Variants in ZBTB44 observed in about 807,000 individuals in gnomAD.
The protein encoded by ZBTB44 is zinc finger and BTB domain-containing protein 44.
Under a neutral mutation model 54.0 loss-of-function variants are expected in ZBTB44, and 15 were observed. The observed-to-expected ratio is 0.28, with a 90% CI of 0.19 to 0.43. The LOEUF (loss-of-function observed/expected upper bound fraction) is 0.43, where lower values mean the gene tolerates loss of function less well. Ranked by LOEUF, ZBTB44 falls within the 20% of genes least tolerant of loss-of-function variation. The pLI is 1.00. For synonymous variants in ZBTB44, 230 were observed against 250.1 expected, an observed-to-expected ratio of 0.92 and a Z score of 0.76; for missense variants, 487 against 707.1, an observed-to-expected ratio of 0.69 and a Z score of 3.53.
intron 5 of ZBTB44, among the ~76,000 whole-genome samples, chr11:130,234,939 C>T (rs2136266395): frequency 6.6e-6 from 1 of 152,254 alleles, no homozygotes; most frequent in African/African-American, 2.4e-5. Context: ...AAAACAGTGG[C>T]TACTTTCCTT....
intron 1 of ZBTB44, among the ~76,000 whole-genome samples, chr11:130,267,142 T>G (rs1210852425): frequency 6.6e-6 from 1 of 151,936 alleles, no homozygotes; most frequent in Non-Finnish European, 1.5e-5. Flanking sequence ...CACATGCCTG[T>G]AGTCCCAGCT....
intron 1 of ZBTB44, among the ~76,000 whole-genome samples, chr11:130,293,254 G>A (rs1232467385): frequency 2.6e-5 from 4 of 151,140 alleles, no homozygotes; most frequent in Non-Finnish European, 4.4e-5. Flanking sequence ...TTGAGCCTAG[G>A]AGTTCAAGAC....
At chr11:130,282,271 G>C (rs1426871337) in intron 1 of ZBTB44, among the ~76,000 whole-genome samples, 1 of 152,128 alleles carries the variant, frequency 6.6e-6, no homozygotes, top group African/African-American at 2.4e-5. Flanking sequence ...ATCCCACAGT[G>C]AAACACAGTA....
intron 1 of ZBTB44, among the ~76,000 whole-genome samples, chr11:130,272,066 C>A (rs777156856): frequency 8.6e-5 from 13 of 151,944 alleles, no homozygotes; most frequent in Non-Finnish European, 1.9e-4. Context: ...CCGAACTCTA[C>A]TAAAAATACA....
chr11:130,257,040 C>G (rs1478078885), intron 2 of ZBTB44, among the ~76,000 whole-genome samples: 1 of 151,720 alleles, frequency 6.6e-6, no homozygotes, highest in Non-Finnish European at 1.5e-5. Context: ...GTCTCTGCCC[C>G]AAAACTCAAG....
In ZBTB44 at chr11:130,261,199, G is replaced by A. The variant is rs1938839482; in HGVS notation, c.675C>T (p.Ser225=). 1 of 1,614,022 alleles carries A rather than the reference G, an allele frequency of 6.2e-7. No individual in the cohort carries two copies. Among genetic ancestry groups the A allele is most frequent in the African/African-American group, 1.3e-5 (1 of 75,058 alleles). Residue 225 remains serine (S), a synonymous_variant, in exon 2 of 8, where the codon TCC becomes TCT. Coordinates refer to ENST00000357899, the MANE Select transcript of ZBTB44 (RefSeq NM_001301098.2). The surrounding 1 kb of genome is among the most constrained non-coding windows in gnomAD (Gnocchi z 4.8). ...AAGGAAAAGTCCAAGGAAAAGCTAAGGAAGAGTCAACTGGTTGGTTTCTAT... is the reference window on the plus strand; with the variant it reads ...AAGGAAAAGTCCAAGGAAAAGCTAAAGAAGAGTCAACTGGTTGGTTTCTAT... The part of the protein sequence containing the change: ...SENRNQPVDS[S]LAFPWTFPFG...
intron 2 of ZBTB44, among the ~76,000 whole-genome samples, chr11:130,255,918 A>ATC (rs1250790117): frequency 9.2e-6 from 1 of 108,556 alleles, no homozygotes; most frequent in African/African-American, 3.8e-5. Flanking sequence ...AAAAAAAAAA[A>ATC]AAACACCCCT....
chr11:130,275,441 A>G (rs1465772165), intron 1 of ZBTB44, among the ~76,000 whole-genome samples: 2 of 152,086 alleles, frequency 1.3e-5, no homozygotes, highest in Non-Finnish European at 2.9e-5. Flanking sequence ...GGCCTCCCAA[A>G]GTGCTGAGAT....
At chr11:130,297,732 C>T (rs908725862) in intron 1 of ZBTB44, among the ~76,000 whole-genome samples, 6 of 152,188 alleles carry the variant, frequency 3.9e-5, no homozygotes, top group African/African-American at 1.4e-4. Context: ...ACCAACCCTA[C>T]CTATGCCTGA....
Position 130,261,442 on chromosome 11 carries a change from T to C in ZBTB44, c.432A>G (p.Gly144=). The change falls in exon 2 of 8, where the codon GGA becomes GGG. Residue 144 remains glycine, a synonymous_variant. Coordinates refer to ENST00000357899, the MANE Select transcript of ZBTB44 (RefSeq NM_001301098.2). The surrounding 1 kb of genome is among the most constrained non-coding windows in gnomAD (Gnocchi z 4.8). The part of the protein sequence containing the change: ...NSQPEKGLDA[G]QENNSNCNFT... The stretch of plus-strand genomic sequence containing the variant: ...AATTGCAGTTAGAATTATTTTCTTG[T>C]CCAGCATCTAGACCCTTTTCAGGTT... The C allele has an allele frequency of 6.2e-7, 1 of 1,614,054 alleles. No homozygotes were observed. Among genetic ancestry groups the C allele is most frequent in the Non-Finnish European group, 8.5e-7 (1 of 1,179,902 alleles).
At chr11:130,270,072 G>A (rs574117908) in intron 1 of ZBTB44, among the ~76,000 whole-genome samples, 332 of 152,266 alleles carry the variant, frequency 2.2e-3, no homozygotes, top group African/African-American at 7.3e-3. Flanking sequence ...ATAAAGTGAC[G>A]TGGCTGCTTA....
chr11:130,299,743 G>C (rs1212158884), intron 1 of ZBTB44, among the ~76,000 whole-genome samples: 1 of 151,790 alleles, frequency 6.6e-6, no homozygotes, highest in African/African-American at 2.4e-5. Flanking sequence ...ATAGAAAACA[G>C]TATAGAGGGG....
chr11:130,267,947 C>A (rs1939378805), intron 1 of ZBTB44, among the ~76,000 whole-genome samples: 2 of 151,802 alleles, frequency 1.3e-5, no homozygotes, highest in African/African-American at 2.4e-5. Flanking sequence ...GTGGCAGGCA[C>A]CTGTAATCCC....
chr11:130,292,689 A>G (rs1941377079), intron 1 of ZBTB44, among the ~76,000 whole-genome samples: 1 of 152,234 alleles, frequency 6.6e-6, no homozygotes, highest in Non-Finnish European at 1.5e-5. Context: ...GTATTTTAAG[A>G]GTGTAACATA....
At chr11:130,276,431 C>CTTTTTTTTTTTTTTTTTTTTTTTTTTT (rs1004293725) in intron 1 of ZBTB44, among the ~76,000 whole-genome samples, 1 of 142,778 alleles carries the variant, frequency 7.0e-6, no homozygotes, top group African/African-American at 2.7e-5. Flanking sequence ...CTATACGTTT[C>CTTTTTTTTTTTTTTTTTTTTTTTTTTT]TTTTTTTTTT....
intron 1 of ZBTB44, among the ~76,000 whole-genome samples, chr11:130,305,977 T>C (rs187719304): frequency 5.9e-5 from 9 of 152,054 alleles, no homozygotes; most frequent in Admixed American, 5.9e-4. Context: ...TCAAATGATA[T>C]AAAAACAGCC....
chr11:130,268,362 T>C (rs1189533882), intron 1 of ZBTB44, among the ~76,000 whole-genome samples: 2 of 152,128 alleles, frequency 1.3e-5, no homozygotes, highest in East Asian at 1.9e-4. Context: ...GTAGCACCCA[T>C]CAATATCAAG....
intron 1 of ZBTB44, among the ~76,000 whole-genome samples, chr11:130,293,436 T>C (rs1025948020): frequency 6.8e-6 from 1 of 147,062 alleles, no homozygotes; most frequent in Admixed American, 6.9e-5. Flanking sequence ...ATTTCACCAC[T>C]GCACTCCAGC....
intron 1 of ZBTB44, among the ~76,000 whole-genome samples, chr11:130,267,409 A>T (rs551085171): frequency 2.1e-4 from 32 of 151,920 alleles, no homozygotes; most frequent in Non-Finnish European, 8.8e-5. Context: ...AGGTAAGATT[A>T]TAATTTTTGT....
Sources: gnomAD v4.1 joint callset for allele counts (sites outside exome capture counted in the v4.1 genomes callset) on GRCh38, gnomAD v4.1.1 for gene constraint, Gnocchi (gnomAD v3.1) non-coding constraint, MANE v1.5 for transcripts, NCBI Gene and HGNC (gene_info 2026-07-23, HGNC 2026-07-21) for gene names.